The following WDR70 variants were observed in gnomAD, a reference collection of about 807,000 sequenced individuals.
The protein encoded by WDR70 is WD repeat domain 70.
In WDR70, 53 loss-of-function variants were observed where a neutral mutation model predicts 88.6. The observed-to-expected ratio is 0.60, with a 90% CI of 0.48 to 0.75. WDR70 has a LOEUF of 0.75. WDR70 is among the 30% of genes least tolerant of loss of function. The probability of loss-of-function intolerance (pLI) is 0.00; values close to 1 mark genes in which losing one functional copy is unlikely to be tolerated. For synonymous variants in WDR70, 280 were observed against 270.0 expected, an observed-to-expected ratio of 1.04 and a Z score of -0.36; for missense variants, 610 against 823.2, an observed-to-expected ratio of 0.74 and a Z score of 3.17.
At chr5:37,517,984 G>A (rs866053221) in intron 9 of WDR70, among the ~76,000 whole-genome samples, 5 of 149,912 alleles carry the variant, frequency 3.3e-5, no homozygotes, top group South Asian at 2.1e-4. Flanking sequence ...TCACGATCTC[G>A]GCTCACTGCA....
intron 14 of WDR70, chr5:37,721,449 G>A (rs1263309404): frequency 1.8e-6 from 1 of 550,240 alleles, no homozygotes; most frequent in Admixed American, 3.1e-5. Flanking sequence ...ATTTGCAGTT[G>A]TTTAGCTGAA....
chr5:37,430,238 G>A (rs568378155), intron 5 of WDR70, among the ~76,000 whole-genome samples: 115 of 152,294 alleles, frequency 7.6e-4, no homozygotes, highest in Admixed American at 1.4e-3. Flanking sequence ...TTATTGGGAT[G>A]TAAGGTCAGA....
At chr5:37,727,310 AAAAC>A (rs1049111243) in intron 17 of WDR70, among the ~76,000 whole-genome samples, 4 of 152,188 alleles carry the variant, frequency 2.6e-5, no homozygotes, top group Admixed American at 2.6e-4. Flanking sequence ...GCCCATGATT[AAAAC>A]AAACAACAAA....
At chr5:37,424,148 C>CAAAAAAAAAAAAAAAAAAAAAAAAA (rs11304949) in intron 5 of WDR70, among the ~76,000 whole-genome samples, 1 of 55,492 alleles carries the variant, frequency 1.8e-5, no homozygotes, top group African/African-American at 7.9e-5. Context: ...GACTCCATCT[C>CAAAAAAAAAAAAAAAAAAAAAAAAA]AAAAAAAAAA....
chr5:37,416,259 G>C (rs925455509), intron 5 of WDR70, among the ~76,000 whole-genome samples: 2 of 152,202 alleles, frequency 1.3e-5, no homozygotes, highest in African/African-American at 4.8e-5. Context: ...CTGCAATCCC[G>C]GCACCTCGGG....
At chr5:37,384,614 C>T (rs1748546234) in intron 3 of WDR70, among the ~76,000 whole-genome samples, 1 of 125,462 alleles carries the variant, frequency 8.0e-6, no homozygotes, top group East Asian at 2.5e-4. Context: ...GAGCCGAGAT[C>T]TTGCCACTGC....
intron 10 of WDR70, among the ~76,000 whole-genome samples, chr5:37,610,570 G>A (rs1316141974): frequency 6.6e-6 from 1 of 151,914 alleles, no homozygotes; most frequent in East Asian, 1.9e-4. Flanking sequence ...CTCCATATCT[G>A]TATATCTGTA....
intron 9 of WDR70, among the ~76,000 whole-genome samples, chr5:37,517,742 T>TAC (rs3068409): frequency 0.64 from 96,473 of 150,926 alleles, 31,180 homozygotes; most frequent in Non-Finnish European, 0.69. Context: ...GATATTTTGA[T>TAC]AGCCATGCAA....
At chr5:37,749,981 T>C (rs1213296162) in intron 17 of WDR70, among the ~76,000 whole-genome samples, 2 of 152,224 alleles carry the variant, frequency 1.3e-5, no homozygotes, top group Non-Finnish European at 2.9e-5. Flanking sequence ...TTTGTTTTGT[T>C]TTTAGTTTCT....
At chr5:37,383,398 T>G (rs1461873821) in intron 3 of WDR70, among the ~76,000 whole-genome samples, 2 of 152,098 alleles carry the variant, frequency 1.3e-5, no homozygotes, top group African/African-American at 4.8e-5. Flanking sequence ...TAGCTGGGAT[T>G]ACAGGTGACC....
chr5:37,674,034 T>TACCCGTTCCTCCTTCTACCTCTGGTAGAA (rs1457924281), intron 10 of WDR70, among the ~76,000 whole-genome samples: 1 of 152,116 alleles, frequency 6.6e-6, no homozygotes, highest in African/African-American at 2.4e-5. Flanking sequence ...GGCATTTAGG[T>TACCCGTTCCTCCTTCTACCTCTGGTAGAA]TGATTCCATG....
intron 8 of WDR70, among the ~76,000 whole-genome samples, chr5:37,493,750 T>C (rs1740135925): frequency 1.3e-5 from 2 of 151,852 alleles, no homozygotes; most frequent in South Asian, 4.1e-4. Flanking sequence ...TATTAAGTAA[T>C]GATGAAAGTC....
intron 8 of WDR70, among the ~76,000 whole-genome samples, chr5:37,510,717 T>G (rs908064256): frequency 6.6e-6 from 1 of 152,362 alleles, no homozygotes; most frequent in Non-Finnish European, 1.5e-5. Flanking sequence ...CAGGCTCTGA[T>G]CAAGATCACA....
At chr5:37,461,653 T>G (rs1432769559) in intron 7 of WDR70, among the ~76,000 whole-genome samples, 1 of 151,890 alleles carries the variant, frequency 6.6e-6, no homozygotes, top group Non-Finnish European at 1.5e-5. Context: ...CCGGCTAATT[T>G]TTTGTATTTT....
intron 10 of WDR70, among the ~76,000 whole-genome samples, chr5:37,676,748 T>G (rs1022309225): frequency 3.9e-5 from 6 of 152,126 alleles, no homozygotes; most frequent in Non-Finnish European, 5.9e-5. Context: ...GCTGGCCTCA[T>G]AAAATGAGTT....
chr5:37,494,913 A>G (rs1740170325), intron 8 of WDR70, among the ~76,000 whole-genome samples: 1 of 152,240 alleles, frequency 6.6e-6, no homozygotes, highest in Non-Finnish European at 1.5e-5. Flanking sequence ...TTGGCAAACC[A>G]TGGCCTTGGG....
intron 10 of WDR70, among the ~76,000 whole-genome samples, chr5:37,662,752 TAAGTA>T (rs1355803731): frequency 3.9e-5 from 6 of 152,226 alleles, no homozygotes; most frequent in Non-Finnish European, 8.8e-5. Context: ...TAAATGATCC[TAAGTA>T]TAGTTGGGAG....
chr5:37,514,987 G>A (rs1740843189), intron 8 of WDR70, among the ~76,000 whole-genome samples: 1 of 148,598 alleles, frequency 6.7e-6, no homozygotes, highest in African/African-American at 2.5e-5. Context: ...CTGTACCCCA[G>A]CCTAGGTGAC....
intron 8 of WDR70, among the ~76,000 whole-genome samples, chr5:37,514,151 A>C (rs531206850): frequency 1.3e-5 from 2 of 151,112 alleles, no homozygotes; most frequent in African/African-American, 4.9e-5. Context: ...AGTAGCTGGA[A>C]CTATAGATGT....
Sources: gnomAD v4.1 joint callset for allele counts (sites outside exome capture counted in the v4.1 genomes callset) on GRCh38, gnomAD v4.1.1 for gene constraint, MANE v1.5 for transcripts, NCBI Gene and HGNC (gene_info 2026-07-23, HGNC 2026-07-21) for gene names.